Variants in UBE2E3 observed in about 807,000 individuals in gnomAD.
UBE2E3 encodes the protein ubiquitin conjugating enzyme E2 E3, also known as ubiquitin-conjugating enzyme E2 E3.
Under a neutral mutation model 23.6 loss-of-function variants are expected in UBE2E3, and 5 were observed. The observed-to-expected ratio is 0.21, with a 90% confidence interval of 0.11 to 0.44. UBE2E3 has a LOEUF of 0.44. Ranked by LOEUF, UBE2E3 falls within the 20% of genes least tolerant of loss-of-function variation. The probability of loss-of-function intolerance (pLI) is 0.99; values close to 1 mark genes in which losing one functional copy is unlikely to be tolerated. For missense variants in UBE2E3, 81 were observed against 249.8 expected (o/e 0.32, Z 4.55); for synonymous variants, 78 against 87.5 (o/e 0.89, Z 0.60).
intron 3 of UBE2E3, among the ~76,000 whole-genome samples, chr2:181,021,020 G>T (rs139115263): frequency 3.9e-5 from 6 of 152,138 alleles, no homozygotes; most frequent in African/African-American, 1.4e-4. Context: ...TGATGAAAGG[G>T]TTATTACATA....
intron 3 of UBE2E3, among the ~76,000 whole-genome samples, chr2:181,002,552 A>T (rs913811060): frequency 2.6e-5 from 4 of 152,196 alleles, no homozygotes; most frequent in Non-Finnish European, 5.9e-5. Flanking sequence ...CACGTATGTA[A>T]TTTTCAGTTT....
At chr2:181,057,606 ATTTACC>A (rs1687024531) in intron 3 of UBE2E3, 81 bp from the exon 4 acceptor site, 1 of 1,160,824 alleles carries the variant, frequency 8.6e-7, no homozygotes, top group African/African-American at 1.5e-5. Flanking sequence ...TAGATTGCTA[ATTTACC>A]TTTAACACTT....
Position 181,035,798 on chromosome 2 carries a change from T to G in UBE2E3, c.246-21895T>G, listed in dbSNP as rs192972052. Among the ~76,000 whole-genome samples the G allele has an allele frequency of 3.9e-3, 590 of 152,340 alleles. 2 individuals carry two copies. Among genetic ancestry groups the G allele is most frequent in the South Asian group, 0.018 (89 of 4,830 alleles). On this transcript the variant is annotated intron_variant, in intron 3 of 5. Coordinates refer to ENST00000410062, the MANE Select transcript of UBE2E3 (RefSeq NM_006357.4). ...CCCCTGATATATAGTTGTACTTGAT[T>G]GTTCCCAAGGGTTTTTACCACAGGA...
At chr2:181,029,991 G>A (rs571349596) in intron 3 of UBE2E3, among the ~76,000 whole-genome samples, 1 of 151,928 alleles carries the variant, frequency 6.6e-6, no homozygotes, top group East Asian at 1.9e-4. Flanking sequence ...CCGCCACCAT[G>A]CCTGGCTAAT....
chr2:181,038,270 A>G (rs1284853557), intron 3 of UBE2E3, among the ~76,000 whole-genome samples: 4 of 152,194 alleles, frequency 2.6e-5, no homozygotes, highest in South Asian at 2.1e-4. Context: ...ACAGTATTCT[A>G]TATAATAACA....
At chr2:181,021,503 CTTTCCTTCT>C (rs990615231) in intron 3 of UBE2E3, among the ~76,000 whole-genome samples, 7 of 133,900 alleles carry the variant, frequency 5.2e-5, no homozygotes, top group African/African-American at 1.1e-4. Context: ...CTTTCCTTTC[CTTTCCTTCT>C]TTCTTTTATT....
intron 3 of UBE2E3, among the ~76,000 whole-genome samples, chr2:181,025,364 A>C (rs1381350814): frequency 6.6e-6 from 1 of 151,004 alleles, no homozygotes; most frequent in African/African-American, 2.4e-5. Context: ...TAATTTTCAC[A>C]GTGTCATAAC....
chr2:181,052,723 C>T (rs1248420000), intron 3 of UBE2E3, among the ~76,000 whole-genome samples: 1 of 150,552 alleles, frequency 6.6e-6, no homozygotes, highest in Non-Finnish European at 1.5e-5. Flanking sequence ...AGTTTCTAAT[C>T]ATATCAAGAC....
At chr2:181,020,728 G>GA (rs1444408520) in intron 3 of UBE2E3, among the ~76,000 whole-genome samples, 1 of 151,992 alleles carries the variant, frequency 6.6e-6, no homozygotes, top group Non-Finnish European at 1.5e-5. Flanking sequence ...AGAGCTAAGG[G>GA]AAAAAAGGTA....
chr2:181,004,902 A>C (rs1186324748), intron 3 of UBE2E3, among the ~76,000 whole-genome samples: 1 of 152,346 alleles, frequency 6.6e-6, no homozygotes. Flanking sequence ...TCAGACAGAC[A>C]ATGTCTTACG....
At chr2:181,016,735 C>A (rs2105617067) in intron 3 of UBE2E3, among the ~76,000 whole-genome samples, 1 of 152,254 alleles carries the variant, frequency 6.6e-6, no homozygotes, top group South Asian at 2.1e-4. Flanking sequence ...AGAAATTTTT[C>A]TTTAAATGTG....
At chr2:181,002,882 G>T (rs1685030448) in intron 3 of UBE2E3, among the ~76,000 whole-genome samples, 2 of 152,190 alleles carry the variant, frequency 1.3e-5, no homozygotes, top group African/African-American at 4.8e-5. Flanking sequence ...ACCCCAGTTT[G>T]TGAAAAGATG....
At chr2:180,983,083 A>C (rs755135022) in intron 2 of UBE2E3, among the ~76,000 whole-genome samples, 2 of 152,230 alleles carry the variant, frequency 1.3e-5, no homozygotes, top group Non-Finnish European at 2.9e-5. Flanking sequence ...CACAAACTCT[A>C]GTAATTATAC....
intron 3 of UBE2E3, among the ~76,000 whole-genome samples, chr2:181,053,165 G>T (rs912769952): frequency 1.3e-5 from 2 of 151,798 alleles, no homozygotes; most frequent in Admixed American, 6.6e-5. Flanking sequence ...AGGCCAGAGT[G>T]AATACCTGCC....
At chr2:181,015,164 A>C (rs1488803010) in intron 3 of UBE2E3, among the ~76,000 whole-genome samples, 1 of 152,190 alleles carries the variant, frequency 6.6e-6, no homozygotes. Context: ...CTGGGAGACA[A>C]CAAAAAGGGT....
At chr2:181,052,207 C>CT (rs1439899943) in intron 3 of UBE2E3, among the ~76,000 whole-genome samples, 1 of 151,778 alleles carries the variant, frequency 6.6e-6, no homozygotes, top group African/African-American at 2.4e-5. Context: ...TAAGGTGTAA[C>CT]TAATTCTCCC....
intron 3 of UBE2E3, among the ~76,000 whole-genome samples, chr2:181,023,987 CTG>C (rs1280738256): frequency 3.9e-5 from 6 of 152,102 alleles, no homozygotes; most frequent in African/African-American, 1.4e-4. Context: ...ATGGGAATAC[CTG>C]TGTTTTATAT....
chr2:181,060,537 A>G, intron 4 of UBE2E3, 128 bp from the exon 5 acceptor site: 1 of 1,015,306 alleles, frequency 9.8e-7, no homozygotes, highest in Non-Finnish European at 1.3e-6. Flanking sequence ...TATTAAACCT[A>G]ATCTAAGTTT....
chr2:181,045,296 G>T (rs953545364), intron 3 of UBE2E3, among the ~76,000 whole-genome samples: 4 of 152,130 alleles, frequency 2.6e-5, no homozygotes, highest in Non-Finnish European at 5.9e-5. Context: ...TTCCAAGGAG[G>T]CTGGCATGCC....
Sources: allele counts gnomAD v4.1 joint callset (sites outside exome capture counted in the v4.1 genomes callset), GRCh38; gene constraint gnomAD v4.1.1; transcripts MANE v1.5; gene names NCBI Gene and HGNC (gene_info 2026-07-23, HGNC 2026-07-21).